RAPH1: variants seen among roughly 807,000 people sequenced by gnomAD.
The protein encoded by RAPH1 is Ras association (RalGDS/AF-6) and pleckstrin homology domains 1, also known as ras-associated and pleckstrin homology domains-containing protein 1.
A neutral mutation model predicts 88.1 loss-of-function variants in RAPH1; 18 were observed. That is an observed-to-expected ratio of 0.20 (90% CI 0.14 to 0.30). RAPH1 has a LOEUF of 0.30. RAPH1 is among the 10% of genes least tolerant of loss of function. The probability of loss-of-function intolerance (pLI) is 1.00; values close to 1 mark genes in which losing one functional copy is unlikely to be tolerated. For synonymous variants in RAPH1, 587 were observed against 559.0 expected (o/e 1.05, Z -0.71); for missense variants, 1,448 against 1,543.2 (o/e 0.94, Z 1.03).
intron 4 of RAPH1, among the ~76,000 whole-genome samples, chr2:203,470,652 A>G (rs1055592137): frequency 6.6e-6 from 1 of 152,240 alleles, no homozygotes; most frequent in Admixed American, 6.5e-5. Context: ...GCACACAAAT[A>G]AATGAATGTC....
chr2:203,475,466 A>G (rs745450892), intron 4 of RAPH1, among the ~76,000 whole-genome samples: 37 of 152,346 alleles, frequency 2.4e-4, no homozygotes, highest in Non-Finnish European at 4.1e-4. Flanking sequence ...AAAAAATCAG[A>G]TATCAAATGA....
In RAPH1 at chr2:203,448,730, A is replaced by G; in HGVS notation, c.1512+8T>C. The G allele has an allele frequency of 6.4e-7, 1 of 1,565,626 alleles. No individual in the cohort carries two copies. The highest frequency in any genetic ancestry group is 8.7e-7 in the Non-Finnish European group (1 of 1,146,032). ...ATTATTCCATCATCAAATCAAAAGG[A>G]GACATGCCTTTGCAATGCGGATCCC... On this transcript the variant is annotated splice_region_variant and intron_variant, in intron 11 of 13. Coordinates refer to ENST00000319170, the MANE Select transcript of RAPH1 (RefSeq NM_213589.3). The surrounding 1 kb of genome is among the most constrained non-coding windows in gnomAD (Gnocchi z 4.1).
intron 1 of RAPH1, among the ~76,000 whole-genome samples, chr2:203,512,374 CAAAAAA>C (rs1190126223): frequency 8.7e-5 from 13 of 149,616 alleles, no homozygotes; most frequent in African/African-American, 2.2e-4. Flanking sequence ...AAAAAAAACC[CAAAAAA>C]CAAAAAACAA....
chr2:203,487,627 C>T (rs894852710), intron 4 of RAPH1, among the ~76,000 whole-genome samples: 1 of 152,084 alleles, frequency 6.6e-6, no homozygotes, highest in Non-Finnish European at 1.5e-5. Flanking sequence ...TCAGGTGATC[C>T]GCCCGCCTCG....
At chr2:203,483,063 G>T (rs1250060050) in intron 4 of RAPH1, among the ~76,000 whole-genome samples, 1 of 152,144 alleles carries the variant, frequency 6.6e-6, no homozygotes, top group Non-Finnish European at 1.5e-5. Flanking sequence ...GGCTAGTGGG[G>T]TAAGGGACAG....
intron 1 of RAPH1, among the ~76,000 whole-genome samples, chr2:203,514,191 TTACTC>T (rs1290127223): frequency 6.6e-6 from 1 of 152,072 alleles, no homozygotes; most frequent in Non-Finnish European, 1.5e-5. Flanking sequence ...CAGCTACTCT[TTACTC>T]TATTACTTAA....
chr2:203,512,337 C>T (rs1455326586), intron 1 of RAPH1, among the ~76,000 whole-genome samples: 1 of 134,022 alleles, frequency 7.5e-6, no homozygotes, highest in Non-Finnish European at 1.5e-5. Context: ...GCCTGGGTGA[C>T]AGAGTGAGAC....
At position 203,435,743 on chromosome 2, in the gene RAPH1, A is replaced by G. The variant is rs2098498005; in HGVS notation, c.*3694T>C. The G allele has an allele frequency of 6.6e-6, 1 of 152,196 alleles. No homozygotes were observed. Among genetic ancestry groups the G allele is most frequent in the Non-Finnish European group, 1.5e-5 (1 of 68,044 alleles). 9.4% of individuals were successfully genotyped at this position (152,196 alleles called of 1,614,324 possible). A position where few individuals can be genotyped will look rare whatever the true frequency, so the allele number is the denominator to read the frequency against. On this transcript the variant is annotated 3_prime_UTR_variant, in exon 14 of 14. Coordinates refer to ENST00000319170, the MANE Select transcript of RAPH1 (RefSeq NM_213589.3). ...TGTAGGTATATGAAAAACTTTTGGT[A>G]ATGTACAAAAATAGGAATGGGTTTT...
intron 2 of RAPH1, among the ~76,000 whole-genome samples, chr2:203,493,680 C>T (rs1437071095): frequency 6.6e-6 from 1 of 152,010 alleles, no homozygotes; most frequent in African/African-American, 2.4e-5. Context: ...GAGTTGAAAA[C>T]ATTCTCCCCT....
At chr2:203,449,081 C>A (rs2153636868) in intron 10 of RAPH1, among the ~76,000 whole-genome samples, 1 of 152,348 alleles carries the variant, frequency 6.6e-6, no homozygotes. Flanking sequence ...ATCTTCACAT[C>A]TTGAGAAATT....
At chr2:203,523,002 C>A (rs1407407015) in intron 1 of RAPH1, among the ~76,000 whole-genome samples, 1 of 150,840 alleles carries the variant, frequency 6.6e-6, no homozygotes, top group Non-Finnish European at 1.5e-5. Context: ...ATAATCAAGA[C>A]AATGTAGTAC....
chr2:203,450,516 T>C lies in RAPH1; in HGVS notation c.1414-1680A>G, dbSNP rs79015189. Among the ~76,000 whole-genome samples, 95 of 152,368 alleles carry C rather than the reference T, an allele frequency of 6.2e-4. 2 individuals are homozygous for C. In the East Asian group the frequency reaches 0.016, roughly 25 times the overall value. On this transcript the variant is annotated intron_variant, in intron 10 of 13. Transcript: ENST00000319170. ...AGGAGGGCAGACAGAGAAGTATGTA[T>C]TCTTCTATAAAAGGAGGAAGGGGGA...
intron 1 of RAPH1, among the ~76,000 whole-genome samples, chr2:203,516,661 A>G (rs1304107356): frequency 6.6e-6 from 1 of 152,146 alleles, no homozygotes; most frequent in Non-Finnish European, 1.5e-5. Flanking sequence ...GAACCTGGGA[A>G]GCAGAGGTTT....
At chr2:203,514,875 A>G (rs1689527142) in intron 1 of RAPH1, among the ~76,000 whole-genome samples, 1 of 152,158 alleles carries the variant, frequency 6.6e-6, no homozygotes, top group South Asian at 2.1e-4. Context: ...TCATTTAACA[A>G]TCTTGAAAAT....
intron 4 of RAPH1, chr2:203,470,195 C>A (rs1311675126): frequency 7.8e-7 from 1 of 1,279,372 alleles, no homozygotes; most frequent in Non-Finnish European, 1.1e-6. Context: ...CATATTCTAC[C>A]TACAAGGCAG....
At chr2:203,527,054 G>C (rs1308829488) in intron 1 of RAPH1, among the ~76,000 whole-genome samples, 2 of 152,110 alleles carry the variant, frequency 1.3e-5, no homozygotes, top group Non-Finnish European at 2.9e-5. Context: ...AAAGTGCTGG[G>C]ATTACAGGCG....
At chr2:203,524,496 C>T (rs1054472669) in intron 1 of RAPH1, among the ~76,000 whole-genome samples, 2 of 152,036 alleles carry the variant, frequency 1.3e-5, no homozygotes, top group African/African-American at 2.4e-5. Flanking sequence ...CCTGGAAAAA[C>T]GAAATGTGGC....
chr2:203,461,360 C>T lies in RAPH1; in HGVS notation c.859G>A (p.Val287Met). Residue 287 changes from valine (V) to methionine (M), a missense_variant, in exon 6 of 14, where the codon GTG becomes ATG. By Grantham distance (21) the Val-to-Met change is conservative. Coordinates refer to ENST00000319170, the MANE Select transcript of RAPH1 (RefSeq NM_213589.3). ...MSDDSSKTMM[V>M]DERQTVRQVL... The stretch of plus-strand genomic sequence containing the variant: ...TGTCTTACTGTCTGCCTCTCATCCA[C>T]CATCATTGTTTTAGAACTGTCATCA... 6.2e-7 allele frequency: 1 copy of T among 1,610,472 alleles called. No individual in the cohort carries two copies.
intron 1 of RAPH1, among the ~76,000 whole-genome samples, chr2:203,509,213 G>A (rs1007767312): frequency 1.3e-5 from 2 of 151,562 alleles, no homozygotes; most frequent in African/African-American, 2.4e-5. Flanking sequence ...TGGGATTACA[G>A]GTGCACACCA....
Sources: gnomAD v4.1 joint callset for allele counts (sites outside exome capture counted in the v4.1 genomes callset) on GRCh38, gnomAD v4.1.1 for gene constraint, Gnocchi (gnomAD v3.1) non-coding constraint, MANE v1.5 for transcripts, NCBI Gene and HGNC (gene_info 2026-07-23, HGNC 2026-07-21) for gene names.